The following ARHGAP10 variants were observed in gnomAD, a reference collection of about 807,000 sequenced individuals.
ARHGAP10 encodes the protein Rho GTPase activating protein 10, also known as rho GTPase-activating protein 10.
ARHGAP10 carries 87 observed loss-of-function variants against 108.6 expected under a neutral mutation model. The observed-to-expected ratio is 0.80, with a 90% CI of 0.67 to 0.96. The LOEUF is 0.96. ARHGAP10 is among the 40% of genes least tolerant of loss of function. The probability of loss-of-function intolerance (pLI) is 0.00; values close to 1 mark genes in which losing one functional copy is unlikely to be tolerated. For missense variants in ARHGAP10, 939 were observed against 954.5 expected, an observed-to-expected ratio of 0.98 and a Z score of 0.21; for synonymous variants, 347 against 341.1, an observed-to-expected ratio of 1.02 and a Z score of -0.19.
At chr4:148,000,376 G>A (rs933266892) in intron 18 of ARHGAP10, among the ~76,000 whole-genome samples, 1 of 152,142 alleles carries the variant, frequency 6.6e-6, no homozygotes, top group East Asian at 1.9e-4. Context: ...GAATAGTGCT[G>A]CAATAAACAT....
At chr4:147,765,221 A>G (rs889835162) in intron 1 of ARHGAP10, among the ~76,000 whole-genome samples, 18 of 151,742 alleles carry the variant, frequency 1.2e-4, no homozygotes, top group Non-Finnish European at 1.3e-4. Flanking sequence ...TATTTAGCAA[A>G]TATTTTTGAA....
chr4:147,870,001 TGTGTGTGTG>T lies in ARHGAP10; in HGVS notation c.702+3186_702+3194del, dbSNP rs1560800898. ...TATTGTTGAAAAAAGTCCCAGTTTG[TGTGTGTGTG>T]TGTGTGTGTGTGTGTGTGTGTGTGT... On this transcript the variant is annotated intron_variant, in intron 7 of 22. Coordinates refer to ENST00000336498, the MANE Select transcript of ARHGAP10 (RefSeq NM_024605.4). Among the ~76,000 whole-genome samples, 30 of 144,610 alleles carry T rather than the reference TGTGTGTGTG, an allele frequency of 2.1e-4. No individual in the cohort carries two copies. In the East Asian group the frequency reaches 2.2e-3, roughly 11 times the overall value. 94.9% of individuals were successfully genotyped at this position (144,610 alleles called of 152,430 possible). A position where few individuals can be genotyped will look rare whatever the true frequency, so the allele number is the denominator to read the frequency against.
rs1275789384 is a variant in ARHGAP10 at position 147,732,310 on chromosome 4, G to C, written c.9G>C (p.Leu3=). ...CAGCGACCGCTGCCGTCATGGGGCT[G>C]CAGCCCCTGGAGTTCAGCGACTGCT... The part of the protein sequence containing the change: MG[L]QPLEFSDCYL... The change falls in exon 1 of 23, where the codon CTG becomes CTC. Residue 3 remains leucine (L), a synonymous_variant. Transcript: ENST00000336498. The C allele has an allele frequency of 1.9e-6, 3 of 1,610,964 alleles. No individual in the cohort carries two copies. The South Asian group carries it at 3.3e-5, about 18-fold the overall frequency.
chr4:147,936,317 C>CTTTTT (rs765432394), intron 13 of ARHGAP10, among the ~76,000 whole-genome samples: 71 of 97,880 alleles, frequency 7.3e-4, no homozygotes, highest in Non-Finnish European at 9.5e-4. Context: ...CTTTTCCTCT[C>CTTTTT]TTTTTTTTTT....
At chr4:147,779,867 T>C (rs1447803863) in intron 1 of ARHGAP10, among the ~76,000 whole-genome samples, 1 of 152,204 alleles carries the variant, frequency 6.6e-6, no homozygotes, top group Non-Finnish European at 1.5e-5. Flanking sequence ...GAGGTTTAAA[T>C]GGAAGAATGT....
chr4:147,846,560 TG>T (rs1332621942), intron 3 of ARHGAP10, among the ~76,000 whole-genome samples: 1 of 152,174 alleles, frequency 6.6e-6, no homozygotes, highest in Admixed American at 6.5e-5. Flanking sequence ...GGCTGGAGTT[TG>T]TGTGTGTGGC....
chr4:147,895,358 A>T (rs1735948892), intron 10 of ARHGAP10, among the ~76,000 whole-genome samples: 1 of 151,996 alleles, frequency 6.6e-6, no homozygotes, highest in African/African-American at 2.4e-5. Flanking sequence ...AAATGTACAC[A>T]GTGATTTTAT....
rs144943812 is a variant in ARHGAP10, at chr4:147,803,937, G to T, written c.155-18790G>T. 2.0e-3 allele frequency among the ~76,000 whole-genome samples: 308 copies of T among 151,376 alleles called. 5 individuals are homozygous for T. The highest frequency in any genetic ancestry group is 0.014 in the East Asian group (71 of 5,146). ...TCCCTTTGATATGCTGATTTTCTTT[G>T]CCTTGGATAAATATTCGATAGTGGG... On this transcript the variant is annotated intron_variant, in intron 1 of 22. Coordinates refer to ENST00000336498, the MANE Select transcript of ARHGAP10 (RefSeq NM_024605.4).
rs886409100 is a variant in ARHGAP10 at position 147,743,003 on chromosome 4, C to G, written c.154+10548C>G. ...CATTTATTTGAGAATCGGGCAGATT[C>G]TCTGCCATACTGATCGATAGTTTTT... is the stretch of plus-strand genomic sequence containing the variant. On this transcript the variant is annotated intron_variant, in intron 1 of 22. Coordinates refer to ENST00000336498, the MANE Select transcript of ARHGAP10 (RefSeq NM_024605.4). Among the ~76,000 whole-genome samples, 11 of 148,332 alleles carry G rather than the reference C, an allele frequency of 7.4e-5. 1 individual carries two copies. The South Asian group carries it at 2.1e-3, about 29-fold the overall frequency.
intron 1 of ARHGAP10, among the ~76,000 whole-genome samples, chr4:147,812,501 G>A (rs1385296570): frequency 6.6e-6 from 1 of 152,000 alleles, no homozygotes; most frequent in Non-Finnish European, 1.5e-5. Context: ...CCTCCTGTTG[G>A]CTTTGTGTTC....
intron 1 of ARHGAP10, among the ~76,000 whole-genome samples, chr4:147,758,972 C>CAAA (rs748165721): frequency 3.6e-5 from 2 of 56,198 alleles, no homozygotes; most frequent in African/African-American, 6.8e-5. Context: ...GACTCTGTCT[C>CAAA]AAAAAAAAAA....
intron 1 of ARHGAP10, among the ~76,000 whole-genome samples, chr4:147,761,645 T>C (rs917250664): frequency 6.6e-6 from 1 of 152,262 alleles, no homozygotes; most frequent in Non-Finnish European, 1.5e-5. Context: ...CATTTAAATT[T>C]ACTCTCCATA....
chr4:147,991,157 AAAAT>A (rs1335056816), intron 18 of ARHGAP10, among the ~76,000 whole-genome samples: 16 of 151,800 alleles, frequency 1.1e-4, no homozygotes, highest in African/African-American at 3.4e-4. Flanking sequence ...AAAAAAAAAA[AAAAT>A]AAATAAAAGA....
intron 4 of ARHGAP10, among the ~76,000 whole-genome samples, chr4:147,855,043 A>G (rs1034879473): frequency 6.6e-6 from 1 of 152,246 alleles, no homozygotes; most frequent in African/African-American, 2.4e-5. Flanking sequence ...ATTAAATCAA[A>G]TAAGGTGGTA....
intron 18 of ARHGAP10, among the ~76,000 whole-genome samples, chr4:147,969,283 T>TA (rs1739316604): frequency 6.6e-6 from 1 of 151,452 alleles, no homozygotes; most frequent in Non-Finnish European, 1.5e-5. Flanking sequence ...ACCATTATGG[T>TA]AAAAGCAGCT....
At chr4:148,035,961 G>A (rs183800279) in intron 19 of ARHGAP10, among the ~76,000 whole-genome samples, 1 of 151,854 alleles carries the variant, frequency 6.6e-6, no homozygotes, top group Admixed American at 6.6e-5. Context: ...TTTTAAAAAA[G>A]ATATCTCTAG....
At chr4:148,045,857 C>T (rs1189071424) in intron 19 of ARHGAP10, among the ~76,000 whole-genome samples, 1 of 150,768 alleles carries the variant, frequency 6.6e-6, no homozygotes, top group African/African-American at 2.4e-5. Flanking sequence ...AGTGAGGAAA[C>T]GTGAAGCTTT....
intron 1 of ARHGAP10, among the ~76,000 whole-genome samples, chr4:147,795,128 G>A (rs538480698): frequency 1.3e-5 from 2 of 152,216 alleles, no homozygotes; most frequent in East Asian, 1.9e-4. Context: ...TGTCACCTAC[G>A]CTGGAGTGTA....
chr4:147,853,013 G>A (rs1367712307), intron 4 of ARHGAP10, among the ~76,000 whole-genome samples: 1 of 152,050 alleles, frequency 6.6e-6, no homozygotes, highest in East Asian at 1.9e-4. Flanking sequence ...AAATAAATGT[G>A]AGCTATACAT....
Sources: gnomAD v4.1 joint callset for allele counts (sites outside exome capture counted in the v4.1 genomes callset) on GRCh38, gnomAD v4.1.1 for gene constraint, MANE v1.5 for transcripts, NCBI Gene and HGNC (gene_info 2026-07-23, HGNC 2026-07-21) for gene names.